FCHSD2: variants seen among roughly 807,000 people sequenced by gnomAD.
FCHSD2 encodes FCH and double SH3 domains 2.
FCHSD2 carries 38 observed loss-of-function variants against 108.1 expected under a neutral mutation model. The observed-to-expected ratio is 0.35, with a 90% CI of 0.27 to 0.46. The LOEUF (loss-of-function observed/expected upper bound fraction) is 0.46. Ranked by LOEUF, FCHSD2 falls within the 20% of genes least tolerant of loss-of-function variation. The pLI is 1.00. For missense variants in FCHSD2, 751 were observed against 897.8 expected, an observed-to-expected ratio of 0.84 and a Z score of 2.09; for synonymous variants, 279 against 314.7, an observed-to-expected ratio of 0.89 and a Z score of 1.20.
chr11:72,901,656 G>T (rs1185416195), intron 10 of FCHSD2, among the ~76,000 whole-genome samples: 1 of 151,872 alleles, frequency 6.6e-6, no homozygotes, highest in Non-Finnish European at 1.5e-5. Context: ...GGTTAAAAAT[G>T]GTAATTTTTG....
intron 5 of FCHSD2, among the ~76,000 whole-genome samples, chr11:72,998,833 G>T (rs948925220): frequency 3.3e-5 from 5 of 152,200 alleles, no homozygotes; most frequent in African/African-American, 1.2e-4. Context: ...ATGTTGGCAA[G>T]GCTGTAGAGA....
intron 8 of FCHSD2, among the ~76,000 whole-genome samples, chr11:72,962,260 G>A (rs1856830607): frequency 6.6e-6 from 1 of 152,178 alleles, no homozygotes; most frequent in Non-Finnish European, 1.5e-5. Context: ...ATGTGGTATA[G>A]TTTTCTAGAG....
rs931354453 is a variant in FCHSD2 at position 72,869,126 on chromosome 11, C to T, written c.1147-1100G>A. ...TTTGCCAAGTTGGCCAGGCTGGTGTCGAACTCCTGACCTCAGGTGATCCAC... is the reference window on the plus strand; with the variant it reads ...TTTGCCAAGTTGGCCAGGCTGGTGTTGAACTCCTGACCTCAGGTGATCCAC... On this transcript the variant is annotated intron_variant, in intron 12 of 19. Coordinates refer to ENST00000409418, the MANE Select transcript of FCHSD2 (RefSeq NM_014824.3). Among the ~76,000 whole-genome samples the T allele has an allele frequency of 8.5e-5, 13 of 152,116 alleles. No homozygotes were observed. The East Asian group carries it at 2.1e-3, about 25-fold the overall frequency.
intron 3 of FCHSD2, among the ~76,000 whole-genome samples, chr11:73,020,635 C>T (rs898107929): frequency 9.9e-5 from 15 of 151,670 alleles, no homozygotes; most frequent in African/African-American, 2.7e-4. Context: ...TTAAAATATT[C>T]TTCATTGTTC....
intron 3 of FCHSD2, among the ~76,000 whole-genome samples, chr11:73,038,291 A>T (rs1266285315): frequency 2.0e-5 from 3 of 151,486 alleles, no homozygotes; most frequent in Non-Finnish European, 4.4e-5. Flanking sequence ...GCAGTGAGCT[A>T]TGATTGTGCC....
chr11:72,871,336 T>C (rs1043680842), intron 12 of FCHSD2, among the ~76,000 whole-genome samples: 9 of 152,212 alleles, frequency 5.9e-5, no homozygotes. Context: ...CAAAACCCTA[T>C]ATATCAACTC....
intron 3 of FCHSD2, among the ~76,000 whole-genome samples, chr11:73,045,685 G>A (rs1006180033): frequency 4.0e-5 from 6 of 150,580 alleles, no homozygotes; most frequent in African/African-American, 9.8e-5. Flanking sequence ...ACCAAACACC[G>A]CATATTCTCA....
At chr11:73,135,923 G>C (rs1201218619) in intron 2 of FCHSD2, among the ~76,000 whole-genome samples, 2 of 152,124 alleles carry the variant, frequency 1.3e-5, no homozygotes, top group Admixed American at 1.3e-4. Context: ...CAGCACTTTG[G>C]GAGGCTGAGT....
At chr11:72,965,282 T>A (rs1376872032) in intron 8 of FCHSD2, among the ~76,000 whole-genome samples, 1 of 152,218 alleles carries the variant, frequency 6.6e-6, no homozygotes, top group African/African-American at 2.4e-5. Context: ...TTGTTGCCTC[T>A]ATACTTGGAA....
At chr11:72,878,190 G>A (rs185923414) in intron 12 of FCHSD2, among the ~76,000 whole-genome samples, 1 of 152,234 alleles carries the variant, frequency 6.6e-6, no homozygotes. Flanking sequence ...GAGGCAGGAG[G>A]ATCATTTGAG....
At position 72,923,822 on chromosome 11, in the gene FCHSD2, C is replaced by G. The variant is rs542201239; in HGVS notation, c.706-1872G>C. Among the ~76,000 whole-genome samples, 5 of 152,200 alleles carry G rather than the reference C, an allele frequency of 3.3e-5. No homozygotes were observed. The South Asian group carries it at 1.0e-3, about 32-fold the overall frequency. ...GATGTAGTGGCGTCTGCCTGTAATC[C>G]CAGCTACTTGGCAGGCTGAGGCAGG... On this transcript the variant is annotated intron_variant, in intron 8 of 19. Transcript: ENST00000409418.
At chr11:72,848,692 G>GC (rs553711157) in intron 14 of FCHSD2, among the ~76,000 whole-genome samples, 23 of 152,284 alleles carry the variant, frequency 1.5e-4, no homozygotes, top group African/African-American at 5.3e-4. Flanking sequence ...GCAGGGATGT[G>GC]CCTGGGATAT....
At chr11:72,869,068 G>A (rs948865675) in intron 12 of FCHSD2, among the ~76,000 whole-genome samples, 2 of 151,712 alleles carry the variant, frequency 1.3e-5, no homozygotes, top group Non-Finnish European at 2.9e-5. Context: ...CACCACACCC[G>A]GCTAATTTTT....
chr11:73,043,306 C>T (rs550371555), intron 3 of FCHSD2, among the ~76,000 whole-genome samples: 2 of 152,284 alleles, frequency 1.3e-5, no homozygotes, highest in South Asian at 2.1e-4. Flanking sequence ...CACTAAAAGG[C>T]TCGGTCAAGT....
chr11:72,937,810 C>A (rs1856333640), intron 8 of FCHSD2, among the ~76,000 whole-genome samples: 1 of 152,154 alleles, frequency 6.6e-6, no homozygotes, highest in Non-Finnish European at 1.5e-5. Context: ...GGCACCTAGA[C>A]AAACATGAGG....
rs190097592 is a variant in FCHSD2, at chr11:73,065,157, C to T, written c.165+18538G>A. On this transcript the variant is annotated intron_variant, in intron 3 of 19. Transcript: ENST00000409418. Reference sequence around the variant, plus strand: ...AGCAGCACATCAAAAAGCTTATCCACCATGATCAAATCAGCTTCATACCTG... The same window carrying T: ...AGCAGCACATCAAAAAGCTTATCCATCATGATCAAATCAGCTTCATACCTG... Among the ~76,000 whole-genome samples the T allele has an allele frequency of 3.5e-3, 539 of 152,298 alleles. 1 individual carries two copies. Among genetic ancestry groups the T allele is most frequent in the Middle Eastern group, 0.024 (7 of 294 alleles).
intron 12 of FCHSD2, among the ~76,000 whole-genome samples, chr11:72,879,704 T>A (rs1303643734): frequency 2.6e-5 from 4 of 152,164 alleles, no homozygotes. Context: ...TAATAACTCA[T>A]CAAACTGAGA....
intron 3 of FCHSD2, among the ~76,000 whole-genome samples, chr11:73,066,536 C>T (rs767061289): frequency 4.6e-5 from 7 of 151,952 alleles, no homozygotes; most frequent in Non-Finnish European, 1.0e-4. Flanking sequence ...GCAAAAGAAA[C>T]TATCATCAGA....
intron 3 of FCHSD2, among the ~76,000 whole-genome samples, chr11:73,028,115 T>G (rs577718262): frequency 1.3e-5 from 2 of 152,288 alleles, no homozygotes; most frequent in East Asian, 3.9e-4. Flanking sequence ...GGGCACTGCC[T>G]ACTGGAGGGG....
Sources: gnomAD v4.1 joint callset for allele counts (sites outside exome capture counted in the v4.1 genomes callset) on GRCh38, gnomAD v4.1.1 for gene constraint, MANE v1.5 for transcripts, NCBI Gene and HGNC (gene_info 2026-07-23, HGNC 2026-07-21) for gene names.